Variants in MCU observed in about 807,000 individuals in gnomAD.
MCU encodes the protein calcium uniporter protein, mitochondrial.
In MCU, 12 loss-of-function variants were observed where a neutral mutation model predicts 45.2. The ratio of observed to expected loss-of-function variants is 0.27; its 90% CI spans 0.17 to 0.43. The LOEUF is 0.43. Among genes scored for constraint, MCU ranks in the 20% least tolerant of loss-of-function variants. The probability of loss-of-function intolerance (pLI) is 1.00; values close to 1 mark genes in which losing one functional copy is unlikely to be tolerated. For synonymous variants in MCU, 160 were observed against 165.1 expected (o/e 0.97, Z 0.24); for missense variants, 324 against 436.7 (o/e 0.74, Z 2.30).
At chr10:72,843,321 C>T (rs1845073858) in intron 2 of MCU, among the ~76,000 whole-genome samples, 1 of 152,180 alleles carries the variant, frequency 6.6e-6, no homozygotes, top group Admixed American at 6.6e-5. Flanking sequence ...CTCCCTTCTC[C>T]CTAACTCCTG....
chr10:72,806,607 T>G (rs1335118341), intron 1 of MCU, among the ~76,000 whole-genome samples: 1 of 152,184 alleles, frequency 6.6e-6, no homozygotes, highest in Admixed American at 6.5e-5. Context: ...GACCTTGCAT[T>G]CTAGTGGTGG....
At chr10:72,837,103 G>A (rs775443126) in intron 2 of MCU, among the ~76,000 whole-genome samples, 15 of 151,874 alleles carry the variant, frequency 9.9e-5, no homozygotes, top group Non-Finnish European at 1.9e-4. Context: ...GTTAGTTGAC[G>A]AATCTGGTTA....
Position 72,850,000 on chromosome 10 carries a change from G to A in MCU, c.221-9177G>A, listed in dbSNP as rs183896853. On this transcript the variant is annotated intron_variant, in intron 2 of 7. Coordinates refer to ENST00000373053, the MANE Select transcript of MCU (RefSeq NM_138357.3). Reference sequence around the variant, plus strand: ...ACGATCTCAGCTCACTGCAACCTCCGCCTCCCAGGTTCAAGTAATTCTCTT... The same window carrying A: ...ACGATCTCAGCTCACTGCAACCTCCACCTCCCAGGTTCAAGTAATTCTCTT... Among the ~76,000 whole-genome samples the A allele has an allele frequency of 2.6e-3, 383 of 150,118 alleles. 2 individuals carry two copies. The highest frequency in any genetic ancestry group is 9.0e-3 in the African/African-American group (366 of 40,744).
chr10:72,853,621 G>A (rs1845242083), intron 2 of MCU, among the ~76,000 whole-genome samples: 1 of 152,122 alleles, frequency 6.6e-6, no homozygotes, highest in Non-Finnish European at 1.5e-5. Flanking sequence ...TTTGAGGAAA[G>A]CCAGATCTAA....
intron 2 of MCU, among the ~76,000 whole-genome samples, chr10:72,845,264 TAAG>T (rs1312231341): frequency 6.6e-6 from 1 of 152,028 alleles, no homozygotes; most frequent in Non-Finnish European, 1.5e-5. Context: ...CCAGATGAAT[TAAG>T]GAGTAAAATG....
At chr10:72,876,091 T>C (rs948867401) in intron 6 of MCU, among the ~76,000 whole-genome samples, 1 of 152,242 alleles carries the variant, frequency 6.6e-6, no homozygotes, top group African/African-American at 2.4e-5. Flanking sequence ...AATAGTGACC[T>C]AGCCTTTAAT....
chr10:72,770,856 T>C (rs1244436445), intron 1 of MCU, among the ~76,000 whole-genome samples: 1 of 152,198 alleles, frequency 6.6e-6, no homozygotes, highest in East Asian at 1.9e-4. Flanking sequence ...AAATATGCAT[T>C]TGTACTGTCT....
chr10:72,789,296 T>C (rs1005638882), intron 1 of MCU, among the ~76,000 whole-genome samples: 5 of 152,314 alleles, frequency 3.3e-5, no homozygotes, highest in African/African-American at 9.6e-5. Flanking sequence ...ATTAAAGTTT[T>C]CTTGTTGGTG....
chr10:72,695,485 A>G (rs1410041091), intron 1 of MCU, among the ~76,000 whole-genome samples: 1 of 152,170 alleles, frequency 6.6e-6, no homozygotes, highest in Non-Finnish European at 1.5e-5. Context: ...TGTCCCATAC[A>G]TTCATACTAA....
chr10:72,795,368 G>A (rs1189897772), intron 1 of MCU, among the ~76,000 whole-genome samples: 1 of 152,056 alleles, frequency 6.6e-6, no homozygotes, highest in African/African-American at 2.4e-5. Context: ...CAGTAATATT[G>A]ACTCTGGGTT....
intron 1 of MCU, among the ~76,000 whole-genome samples, chr10:72,738,194 G>A (rs972511629): frequency 2.6e-5 from 4 of 152,128 alleles, no homozygotes; most frequent in African/African-American, 9.7e-5. Flanking sequence ...ATTTATTTGG[G>A]GAAGGTGAAG....
intron 1 of MCU, among the ~76,000 whole-genome samples, chr10:72,773,336 A>G (rs1843840312): frequency 6.6e-6 from 1 of 151,342 alleles, no homozygotes; most frequent in African/African-American, 2.5e-5. Context: ...TGAAAAACAC[A>G]TTTGCTTAAC....
In MCU at chr10:72,806,940, T is replaced by G. The variant is rs140015194; in HGVS notation, c.151-27419T>G. Among the ~76,000 whole-genome samples the G allele has an allele frequency of 5.9e-3, 906 of 152,286 alleles. 12 individuals carry two copies. Among genetic ancestry groups the G allele is most frequent in the African/African-American group, 0.021 (855 of 41,566 alleles). The stretch of plus-strand genomic sequence containing the variant: ...AAGACATTGGCCTGGGACATAAGGA[T>G]TGAGGATGTCAGAGTTACAAAATAA... On this transcript the variant is annotated intron_variant, in intron 1 of 7. Transcript: ENST00000373053.
intron 2 of MCU, among the ~76,000 whole-genome samples, chr10:72,853,637 C>A (rs1845242604): frequency 6.6e-6 from 1 of 152,130 alleles, no homozygotes; most frequent in Non-Finnish European, 1.5e-5. Flanking sequence ...TCTAAAAAAT[C>A]TAACAACTCC....
At chr10:72,833,444 A>G (rs1397784851) in intron 1 of MCU, among the ~76,000 whole-genome samples, 1 of 152,224 alleles carries the variant, frequency 6.6e-6, no homozygotes, top group African/African-American at 2.4e-5. Context: ...TAGTCATACA[A>G]AGTCCATCAG....
rs1844479689 is a variant in MCU at position 72,808,090 on chromosome 10, A to C, written c.151-26269A>C. On this transcript the variant is annotated intron_variant, in intron 1 of 7. Transcript: ENST00000373053. ...GAGAAGAATAACCTGAATTTAAAGA[A>C]TAGTCACATTTTACAATGCCATATT... Among the ~76,000 whole-genome samples the C allele has an allele frequency of 2.0e-5, 3 of 152,216 alleles. No homozygotes were observed. The South Asian group carries it at 6.2e-4, about 31-fold the overall frequency.
intron 1 of MCU, chr10:72,730,875 A>C (rs1843163563): frequency 6.6e-6 from 1 of 152,272 alleles, no homozygotes; most frequent in Non-Finnish European, 1.5e-5. Context: ...CCTATTGTGC[A>C]GCAACAGTAT....
At chr10:72,884,452 C>A in intron 7 of MCU, 70 bp downstream of exon 7, 2 of 857,478 alleles carry the variant, frequency 2.3e-6, no homozygotes, top group Non-Finnish European at 3.9e-6. Flanking sequence ...TCCACAGCCA[C>A]GGTTCTTCAA....
At chr10:72,839,582 T>C (rs567504835) in intron 2 of MCU, among the ~76,000 whole-genome samples, 9 of 152,206 alleles carry the variant, frequency 5.9e-5, no homozygotes, top group Admixed American at 2.0e-4. Context: ...AGTATTCCGG[T>C]ATATGGAAAT....
Sources: allele counts gnomAD v4.1 joint callset (sites outside exome capture counted in the v4.1 genomes callset), GRCh38; gene constraint gnomAD v4.1.1; transcripts MANE v1.5; gene names NCBI Gene and HGNC (gene_info 2026-07-23, HGNC 2026-07-21).